PLSCR4: variants seen among roughly 807,000 people sequenced by gnomAD.
PLSCR4 encodes Ca(2+)-dependent phospholipid scramblase 4.
Under a neutral mutation model 36.3 loss-of-function variants are expected in PLSCR4, and 25 were observed. The ratio of observed to expected loss-of-function variants is 0.69; its 90% CI spans 0.50 to 0.96. The LOEUF is 0.96. Ranked by LOEUF, PLSCR4 falls within the 40% of genes least tolerant of loss-of-function variation. PLSCR4 has a pLI of 0.00. For synonymous variants in PLSCR4, 122 were observed against 132.9 expected, an observed-to-expected ratio of 0.92 and a Z score of 0.56; for missense variants, 408 against 414.7, an observed-to-expected ratio of 0.98 and a Z score of 0.14.
chr3:146,235,493 A>G (rs911748857), intron 1 of PLSCR4, among the ~76,000 whole-genome samples: 1 of 152,130 alleles, frequency 6.6e-6, no homozygotes, highest in African/African-American at 2.4e-5. Flanking sequence ...GGAAGTGTGA[A>G]CCAATTAAAC....
chr3:146,247,376 G>A lies in PLSCR4; in HGVS notation c.-22+3584C>T, dbSNP rs558711546. Among the ~76,000 whole-genome samples the A allele has an allele frequency of 2.0e-5, 3 of 147,996 alleles. No individual in the cohort carries two copies. The East Asian group carries it at 6.0e-4, about 30-fold the overall frequency. On this transcript the variant is annotated intron_variant, in intron 1 of 8. Transcript: ENST00000354952. Reference sequence around the variant, plus strand: ...AATACAGTATTTTATCAACATTTTTGTAGTAGTCAATCTGATATATAAAAA... The same window carrying A: ...AATACAGTATTTTATCAACATTTTTATAGTAGTCAATCTGATATATAAAAA...
intron 1 of PLSCR4, among the ~76,000 whole-genome samples, chr3:146,232,288 T>G (rs1186127832): frequency 6.6e-6 from 1 of 152,186 alleles, no homozygotes; most frequent in Non-Finnish European, 1.5e-5. Flanking sequence ...GCCTCTGGCT[T>G]TCTTCTTTTT....
At chr3:146,213,654 C>A (rs912368786) in intron 3 of PLSCR4, among the ~76,000 whole-genome samples, 1 of 152,042 alleles carries the variant, frequency 6.6e-6, no homozygotes, top group African/African-American at 2.4e-5. Context: ...TGGGCCTTAG[C>A]TTTATTTTGT....
At chr3:146,201,807 G>A (rs2034062161) in intron 4 of PLSCR4, among the ~76,000 whole-genome samples, 1 of 152,054 alleles carries the variant, frequency 6.6e-6, no homozygotes, top group Admixed American at 6.6e-5. Context: ...TTCTAAAGAT[G>A]AGCAGTTTGA....
At chr3:146,236,635 T>C (rs1164958114) in intron 1 of PLSCR4, among the ~76,000 whole-genome samples, 1 of 152,142 alleles carries the variant, frequency 6.6e-6, no homozygotes, top group Non-Finnish European at 1.5e-5. Context: ...ACCATCCACA[T>C]AAGATGTGAC....
chr3:146,211,770 G>T (rs1487664090), intron 3 of PLSCR4, among the ~76,000 whole-genome samples: 5 of 151,990 alleles, frequency 3.3e-5, no homozygotes, highest in African/African-American at 1.2e-4. Context: ...TCTTTTGTAT[G>T]TTGATATTCA....
intron 1 of PLSCR4, among the ~76,000 whole-genome samples, chr3:146,239,082 G>A (rs1371329104): frequency 6.6e-6 from 1 of 152,022 alleles, no homozygotes; most frequent in Non-Finnish European, 1.5e-5. Flanking sequence ...ATGAAATGTT[G>A]AAAGAATTAA....
chr3:146,194,079 T>G lies in PLSCR4; in HGVS notation c.*332A>C, dbSNP rs2033571009. On this transcript the variant is annotated 3_prime_UTR_variant, in exon 9 of 9. Transcript: ENST00000354952. ...ACAAAGTCTGCTCTAAAAAGCCTTA[T>G]TGTTTCACTACCTATTAATATGAGA... 4.9e-6 allele frequency: 1 copy of G among 204,508 alleles called. No homozygotes were observed. Among genetic ancestry groups the G allele is most frequent in the African/African-American group, 2.3e-5 (1 of 43,336 alleles). The allele number at this position is 204,508 out of a possible 1,614,324, so 12.7% of individuals were successfully genotyped here.
intron 4 of PLSCR4, among the ~76,000 whole-genome samples, chr3:146,203,414 G>A (rs565374707): frequency 1.3e-4 from 20 of 152,036 alleles, no homozygotes; most frequent in African/African-American, 3.4e-4. Flanking sequence ...AAGTTTTCAC[G>A]TCAGGCGTTG....
intron 2 of PLSCR4, among the ~76,000 whole-genome samples, chr3:146,221,544 T>C (rs1478592032): frequency 6.6e-6 from 1 of 151,930 alleles, no homozygotes; most frequent in Non-Finnish European, 1.5e-5. Flanking sequence ...TGTCTTCTTA[T>C]TGAGATTAGA....
intron 4 of PLSCR4, among the ~76,000 whole-genome samples, chr3:146,203,531 G>T (rs2034154290): frequency 6.6e-6 from 1 of 152,010 alleles, no homozygotes; most frequent in South Asian, 2.1e-4. Context: ...CTTCATCAAT[G>T]ATCTTGTTAT....
intron 1 of PLSCR4, 121 bp from the exon 2 acceptor site, chr3:146,222,213 CTTCA>C: frequency 2.6e-6 from 1 of 389,916 alleles, no homozygotes; most frequent in Non-Finnish European, 4.7e-6. Flanking sequence ...ACATTTGTCC[CTTCA>C]TTAATTAAAA....
intron 1 of PLSCR4, among the ~76,000 whole-genome samples, chr3:146,230,708 A>C (rs1396185360): frequency 6.6e-5 from 10 of 152,192 alleles, no homozygotes; most frequent in Admixed American, 2.0e-4. Flanking sequence ...GGACAGGAGG[A>C]AGAAAATTCG....
At chr3:146,237,430 A>C (rs2035962633) in intron 1 of PLSCR4, among the ~76,000 whole-genome samples, 2 of 152,136 alleles carry the variant, frequency 1.3e-5, no homozygotes, top group South Asian at 4.1e-4. Flanking sequence ...AGAATACCTG[A>C]TTTTCAAGTG....
At position 146,195,220 on chromosome 3, in the gene PLSCR4, TAAC is replaced by T; in HGVS notation, c.846_848del (p.Leu283del). The T allele has an allele frequency of 6.2e-7, 1 of 1,613,308 alleles. No homozygotes were observed. Among genetic ancestry groups the T allele is most frequent in the East Asian group, 2.2e-5 (1 of 44,858 alleles). ...AATGGTCAGCATCTGCCATTGCTGA[TAAC>T]AAACCATTCCACTTCCGGATAATAC... On this transcript the variant is annotated inframe_deletion, in exon 8 of 9. Coordinates refer to ENST00000354952, the MANE Select transcript of PLSCR4 (RefSeq NM_020353.3).
rs527990895 is a variant in PLSCR4, at chr3:146,242,261, C to T, written c.-22+8699G>A. ...GCTGCCTGATTCATGAATCGTTTTT[C>T]GCTCAGATAAACTCTGCTGAATTTG... On this transcript the variant is annotated intron_variant, in intron 1 of 8. Coordinates refer to ENST00000354952, the MANE Select transcript of PLSCR4 (RefSeq NM_020353.3). 1.9e-4 allele frequency among the ~76,000 whole-genome samples: 29 copies of T among 152,274 alleles called. No individual in the cohort carries two copies. The South Asian group carries it at 4.1e-3, about 22-fold the overall frequency.
intron 4 of PLSCR4, among the ~76,000 whole-genome samples, chr3:146,205,109 CT>C (rs1559902835): frequency 1.3e-5 from 2 of 151,860 alleles, no homozygotes; most frequent in Admixed American, 1.3e-4. Flanking sequence ...GGCTGTTGAC[CT>C]GGGGAGGTAA....
chr3:146,223,694 G>A (rs1248424822), intron 1 of PLSCR4: 1 of 151,950 alleles, frequency 6.6e-6, no homozygotes, highest in African/African-American at 2.4e-5. Context: ...TTGCCAAGAC[G>A]GGTGAAAGTT....
chr3:146,196,414 T>C (rs1364008078), intron 7 of PLSCR4: 1 of 493,016 alleles, frequency 2.0e-6, no homozygotes, highest in East Asian at 3.1e-5. Context: ...TTTTTATTTT[T>C]ATCAAGTACT....
Sources: allele counts gnomAD v4.1 joint callset (sites outside exome capture counted in the v4.1 genomes callset), GRCh38; gene constraint gnomAD v4.1.1; transcripts MANE v1.5; gene names NCBI Gene and HGNC (gene_info 2026-07-23, HGNC 2026-07-21).